The following MRAS variants were observed in gnomAD, a reference collection of about 807,000 sequenced individuals.
MRAS encodes ras-related protein M-Ras.
MRAS carries 4 observed loss-of-function variants against 20.9 expected under a neutral mutation model. The ratio of observed to expected loss-of-function variants is 0.19; its 90% CI spans 0.09 to 0.44. The LOEUF is 0.44. MRAS is among the 20% of genes least tolerant of loss of function. MRAS has a pLI of 0.99. For missense variants in MRAS, 154 were observed against 277.5 expected, an observed-to-expected ratio of 0.56 and a Z score of 3.16; for synonymous variants, 98 against 102.9, an observed-to-expected ratio of 0.95 and a Z score of 0.29.
At chr3:138,374,243 A>T (rs1334433933) in intron 2 of MRAS, among the ~76,000 whole-genome samples, 2 of 152,184 alleles carry the variant, frequency 1.3e-5, no homozygotes, top group African/African-American at 4.8e-5. Flanking sequence ...CTGGGATTAC[A>T]GGCATGAACC....
intron 2 of MRAS, among the ~76,000 whole-genome samples, chr3:138,388,297 T>C (rs1469361363): frequency 6.6e-6 from 1 of 152,224 alleles, no homozygotes; most frequent in African/African-American, 2.4e-5. Flanking sequence ...TAAGTGACAT[T>C]ATTTTTTTGA....
intron 1 of MRAS, among the ~76,000 whole-genome samples, chr3:138,371,401 A>C (rs2054670963): frequency 6.6e-6 from 1 of 152,192 alleles, no homozygotes; most frequent in South Asian, 2.1e-4. Flanking sequence ...TATAAAAGTA[A>C]TCTAATCCAG....
At chr3:138,368,557 T>C (rs752011246) in intron 1 of MRAS, among the ~76,000 whole-genome samples, 2 of 152,142 alleles carry the variant, frequency 1.3e-5, no homozygotes, top group Non-Finnish European at 2.9e-5. Context: ...GGGGAAACTT[T>C]AAGGAGAACC....
At chr3:138,368,665 T>C (rs1406156465) in intron 1 of MRAS, among the ~76,000 whole-genome samples, 2 of 152,190 alleles carry the variant, frequency 1.3e-5, no homozygotes, top group African/African-American at 2.4e-5. Context: ...CGAGGTGCTT[T>C]TTAGTTGAGA....
At position 138,404,839 on chromosome 3, in the gene MRAS, T is replaced by G. The variant is rs2055427271; in HGVS notation, c.*2570T>G. On this transcript the variant is annotated 3_prime_UTR_variant, in exon 6 of 6. Transcript: ENST00000423968. ...AAACCTGGTTGGCCACGCCACACCATGACCGAGGAGCCAACTGGGACTTCT... is the reference window on the plus strand; with the variant it reads ...AAACCTGGTTGGCCACGCCACACCAGGACCGAGGAGCCAACTGGGACTTCT... The G allele has an allele frequency of 6.6e-6, 1 of 152,154 alleles. No homozygotes were observed. Among genetic ancestry groups the G allele is most frequent in the Non-Finnish European group, 1.5e-5 (1 of 68,022 alleles). 9.4% of individuals were successfully genotyped at this position (152,154 alleles called of 1,614,324 possible). A position where few individuals can be genotyped will look rare whatever the true frequency, so the allele number is the denominator to read the frequency against.
intron 1 of MRAS, among the ~76,000 whole-genome samples, chr3:138,367,462 C>T (rs2054583848): frequency 6.6e-6 from 1 of 152,158 alleles, no homozygotes; most frequent in Non-Finnish European, 1.5e-5. Flanking sequence ...TGGGCTTTTA[C>T]AAAAGACTAT....
At chr3:138,361,481 G>C (rs1361744530) in intron 1 of MRAS, among the ~76,000 whole-genome samples, 1 of 152,222 alleles carries the variant, frequency 6.6e-6, no homozygotes, top group Non-Finnish European at 1.5e-5. Flanking sequence ...TGGGATGTGG[G>C]TAAAGGGCTG....
At chr3:138,373,708 T>G (rs1454268754) in intron 2 of MRAS, among the ~76,000 whole-genome samples, 1 of 152,176 alleles carries the variant, frequency 6.6e-6, no homozygotes, top group Non-Finnish European at 1.5e-5. Context: ...TTCAAAGTTG[T>G]TTTGACTGGT....
chr3:138,386,226 C>T (rs145930913), intron 2 of MRAS, among the ~76,000 whole-genome samples: 14 of 152,068 alleles, frequency 9.2e-5, no homozygotes, highest in Non-Finnish European at 1.6e-4. Flanking sequence ...TCATCCCCAA[C>T]CCTGCTCAAA....
Position 138,379,357 on chromosome 3 carries a change from C to CTTTTTTTTTTTTTTTTTTTTTTTTTT in MRAS, c.193+6305_193+6306insTTTTTTTTTTTTTTTTTTTTTTTTTT, listed in dbSNP as rs35120152. 3.9e-5 allele frequency among the ~76,000 whole-genome samples: 3 copies of CTTTTTTTTTTTTTTTTTTTTTTTTTT among 77,598 alleles called. 1 individual carries two copies. The highest frequency in any genetic ancestry group is 7.0e-5 in the Non-Finnish European group (3 of 42,668). The allele number at this position is 77,598 out of a possible 152,430, so 50.9% of individuals were successfully genotyped here. On this transcript the variant is annotated intron_variant, in intron 2 of 5. Transcript: ENST00000423968. The stretch of plus-strand genomic sequence containing the variant: ...CATGTTGCTGCAAATGACAGAATGT[C>CTTTTTTTTTTTTTTTTTTTTTTTTTT]TTTTTTTTTTTTTTTTTTTTTTTTG...
At chr3:138,350,822 A>T (rs1235060852) in intron 1 of MRAS, among the ~76,000 whole-genome samples, 1 of 151,702 alleles carries the variant, frequency 6.6e-6, no homozygotes, top group Non-Finnish European at 1.5e-5. Context: ...ATGCACCTGT[A>T]GTCTTAGCTA....
intron 2 of MRAS, among the ~76,000 whole-genome samples, chr3:138,378,068 T>G (rs2054821534): frequency 6.6e-6 from 1 of 152,222 alleles, no homozygotes. Context: ...TGGATCCTTG[T>G]GCCTCTGGGA....
chr3:138,370,400 G>A (rs1303655349), intron 1 of MRAS, among the ~76,000 whole-genome samples: 1 of 152,184 alleles, frequency 6.6e-6, no homozygotes, highest in African/African-American at 2.4e-5. Context: ...TTGCAGAGGG[G>A]CAGTGAGGAG....
At chr3:138,374,013 C>T (rs2054730113) in intron 2 of MRAS, among the ~76,000 whole-genome samples, 1 of 151,900 alleles carries the variant, frequency 6.6e-6, no homozygotes, top group Non-Finnish European at 1.5e-5. Flanking sequence ...TGGTGGAGTG[C>T]AGTGGTGCAG....
At chr3:138,393,696 C>CA (rs2055175336) in intron 2 of MRAS, among the ~76,000 whole-genome samples, 1 of 128,860 alleles carries the variant, frequency 7.8e-6, no homozygotes. Flanking sequence ...CTGCTTTTTT[C>CA]TTTTTTTTTT....
At chr3:138,384,436 G>A (rs1560178873) in intron 2 of MRAS, among the ~76,000 whole-genome samples, 1 of 152,170 alleles carries the variant, frequency 6.6e-6, no homozygotes, top group Non-Finnish European at 1.5e-5. Context: ...GAAACGACAG[G>A]ATTTGTCGAT....
intron 2 of MRAS, among the ~76,000 whole-genome samples, chr3:138,390,176 C>A (rs1576379035): frequency 6.6e-6 from 1 of 152,216 alleles, no homozygotes; most frequent in Middle Eastern, 3.4e-3. Flanking sequence ...TGCTGGCTGC[C>A]CTCCTGCCTG....
chr3:138,401,672 A>G (rs1185353053), intron 5 of MRAS, among the ~76,000 whole-genome samples: 2 of 152,206 alleles, frequency 1.3e-5, no homozygotes, highest in Admixed American at 6.5e-5. Flanking sequence ...TTTGCCTCCA[A>G]TTAGGATGTG....
At chr3:138,350,692 A>G (rs1022172806) in intron 1 of MRAS, among the ~76,000 whole-genome samples, 2 of 152,136 alleles carry the variant, frequency 1.3e-5, no homozygotes, top group Admixed American at 6.5e-5. Flanking sequence ...TTATGTTATT[A>G]TTAGCTCTAG....
Sources: allele counts gnomAD v4.1 joint callset (sites outside exome capture counted in the v4.1 genomes callset), GRCh38; gene constraint gnomAD v4.1.1; transcripts MANE v1.5; gene names NCBI Gene and HGNC (gene_info 2026-07-23, HGNC 2026-07-21).